ANKS1B: variants seen among roughly 807,000 people sequenced by gnomAD.
The protein encoded by ANKS1B is ankyrin repeat and sterile alpha motif domain containing 1B.
In ANKS1B, 36 loss-of-function variants were observed where a neutral mutation model predicts 148.3. That is an observed-to-expected ratio of 0.24 (90% CI 0.19 to 0.32). The LOEUF (loss-of-function observed/expected upper bound fraction) is 0.32. Among genes scored for constraint, ANKS1B ranks in the 10% least tolerant of loss-of-function variants. The pLI, the probability that ANKS1B is intolerant of heterozygous loss-of-function variation, is 1.00. For synonymous variants in ANKS1B, 542 were observed against 560.8 expected, an observed-to-expected ratio of 0.97 and a Z score of 0.47; for missense variants, 1,157 against 1,542.6, an observed-to-expected ratio of 0.75 and a Z score of 4.19.
chr12:99,939,604 A>G (rs751855561), intron 1 of ANKS1B, among the ~76,000 whole-genome samples: 2 of 152,168 alleles, frequency 1.3e-5, no homozygotes, highest in Non-Finnish European at 2.9e-5. Flanking sequence ...ATATTTTCAC[A>G]TAAGGAATGA....
intron 10 of ANKS1B, among the ~76,000 whole-genome samples, chr12:99,473,645 T>C (rs2096274778): frequency 6.6e-6 from 1 of 152,090 alleles, no homozygotes; most frequent in Non-Finnish European, 1.5e-5. Context: ...GAAATACAAC[T>C]GGCACCTCAT....
At chr12:98,894,779 AGGCGAG>A (rs1268389948) in intron 17 of ANKS1B, 1 of 984,836 alleles carries the variant, frequency 1.0e-6, no homozygotes, top group East Asian at 1.1e-4. Flanking sequence ...GCGAGCGGCG[AGGCGAG>A]GGCGAGCGCG....
intron 1 of ANKS1B, among the ~76,000 whole-genome samples, chr12:99,875,151 T>A (rs1406513638): frequency 6.6e-6 from 1 of 152,160 alleles, no homozygotes; most frequent in Non-Finnish European, 1.5e-5. Flanking sequence ...TCAAATAGTT[T>A]AGAAAGATGC....
At chr12:99,959,227 ATTTTTTTTTTT>A (rs71088166) in intron 1 of ANKS1B, among the ~76,000 whole-genome samples, 1 of 99,896 alleles carries the variant, frequency 1.0e-5, no homozygotes, top group African/African-American at 4.1e-5. Flanking sequence ...CACCCAGTTA[ATTTTTTTTTTT>A]TTTTTTTTTT....
chr12:99,475,472 G>A (rs1385693693), intron 10 of ANKS1B, among the ~76,000 whole-genome samples: 2 of 151,610 alleles, frequency 1.3e-5, no homozygotes, highest in African/African-American at 2.4e-5. Context: ...CATAGAAATT[G>A]TATCATTTAA....
At chr12:99,128,683 AG>A (rs1566282046) in intron 15 of ANKS1B, among the ~76,000 whole-genome samples, 1 of 152,170 alleles carries the variant, frequency 6.6e-6, no homozygotes, top group Non-Finnish European at 1.5e-5. Flanking sequence ...GATACTCAGG[AG>A]CAGCCTGTGG....
chr12:98,942,489 GC>G (rs1306004420), intron 17 of ANKS1B, among the ~76,000 whole-genome samples: 15 of 152,184 alleles, frequency 9.9e-5, no homozygotes, highest in African/African-American at 3.6e-4. Flanking sequence ...GAAATCCCTC[GC>G]TTCAGCTACT....
intron 17 of ANKS1B, among the ~76,000 whole-genome samples, chr12:99,011,375 C>T (rs1478442109): frequency 6.6e-6 from 1 of 152,062 alleles, no homozygotes; most frequent in Non-Finnish European, 1.5e-5. Flanking sequence ...CATGAAAAAC[C>T]AAGTGTGAGT....
At chr12:98,755,276 T>C (rs1366200708) in intron 25 of ANKS1B, among the ~76,000 whole-genome samples, 1 of 152,184 alleles carries the variant, frequency 6.6e-6, no homozygotes, top group African/African-American at 2.4e-5. Context: ...GAGGAGACTC[T>C]ACCGGGATGA....
chr12:99,118,627 C>T (rs1197405773), intron 15 of ANKS1B, among the ~76,000 whole-genome samples: 1 of 152,148 alleles, frequency 6.6e-6, no homozygotes, highest in Admixed American at 6.5e-5. Flanking sequence ...CCCACCCACC[C>T]ACCAGACTGC....
At chr12:99,643,814 A>T (rs1347659622) in intron 9 of ANKS1B, among the ~76,000 whole-genome samples, 1 of 152,174 alleles carries the variant, frequency 6.6e-6, no homozygotes, top group Non-Finnish European at 1.5e-5. Context: ...CATAATTCAG[A>T]TCTGCTCAAT....
chr12:99,827,270 G>A (rs1565808343), intron 1 of ANKS1B, among the ~76,000 whole-genome samples: 2 of 151,970 alleles, frequency 1.3e-5, no homozygotes, highest in Admixed American at 6.6e-5. Context: ...GACCCGGGAA[G>A]ACATTATGCT....
chr12:99,627,701 T>C (rs2098123326), intron 9 of ANKS1B, among the ~76,000 whole-genome samples: 1 of 152,062 alleles, frequency 6.6e-6, no homozygotes, highest in South Asian at 2.1e-4. Context: ...TCATAAACAT[T>C]TGTCAGAAAC....
At chr12:99,194,471 A>T (rs931353001) in intron 14 of ANKS1B, among the ~76,000 whole-genome samples, 7 of 151,946 alleles carry the variant, frequency 4.6e-5, no homozygotes, top group Admixed American at 4.6e-4. Context: ...TTATTTAATA[A>T]AACAGATCAT....
At chr12:99,982,167 T>A (rs2095711780) in intron 1 of ANKS1B, among the ~76,000 whole-genome samples, 1 of 152,104 alleles carries the variant, frequency 6.6e-6, no homozygotes, top group Non-Finnish European at 1.5e-5. Context: ...TTACTTTTGT[T>A]TTCTATGTGC....
chr12:99,777,287 T>C (rs969961216), intron 6 of ANKS1B, among the ~76,000 whole-genome samples: 1 of 152,202 alleles, frequency 6.6e-6, no homozygotes, highest in Non-Finnish European at 1.5e-5. Context: ...AATCCAGGAA[T>C]GCAAAGAACA....
chr12:99,751,962 T>C (rs1034336642), intron 8 of ANKS1B, among the ~76,000 whole-genome samples: 1 of 151,966 alleles, frequency 6.6e-6, no homozygotes, highest in Non-Finnish European at 1.5e-5. Context: ...AACTCAGGTA[T>C]AGTTATACAT....
In ANKS1B at chr12:99,601,326, T is replaced by C. The variant is rs560337450; in HGVS notation, c.1272+53741A>G. Among the ~76,000 whole-genome samples, 7 of 152,232 alleles carry C rather than the reference T, an allele frequency of 4.6e-5. No individual in the cohort carries two copies. In the South Asian group the frequency reaches 1.5e-3, roughly 32 times the overall value. On this transcript the variant is annotated intron_variant, in intron 9 of 26. Coordinates refer to ENST00000683438, the MANE Select transcript of ANKS1B (RefSeq NM_001352186.2). ...TTTCACCTCTTTCTTACCAATATAG[T>C]TTTGTTTTCATATATGAGATTTCCT... is the stretch of plus-strand genomic sequence containing the variant.
At chr12:98,863,132 A>C (rs1191345368) in intron 17 of ANKS1B, among the ~76,000 whole-genome samples, 1 of 152,244 alleles carries the variant, frequency 6.6e-6, no homozygotes, top group Non-Finnish European at 1.5e-5. Context: ...AGATATTTTC[A>C]CGGACACAAG....
Sources: gnomAD v4.1 joint callset for allele counts (sites outside exome capture counted in the v4.1 genomes callset) on GRCh38, gnomAD v4.1.1 for gene constraint, MANE v1.5 for transcripts, NCBI Gene and HGNC (gene_info 2026-07-23, HGNC 2026-07-21) for gene names.